The following SORCS2 variants were observed in gnomAD, a reference collection of about 807,000 sequenced individuals.
The protein encoded by SORCS2 is VPS10 domain-containing receptor SorCS2.
A neutral mutation model predicts 141.6 loss-of-function variants in SORCS2; 100 were observed. The ratio of observed to expected loss-of-function variants is 0.71; its 90% confidence interval spans 0.60 to 0.83. The LOEUF is 0.83. Among genes scored for constraint, SORCS2 ranks in the 40% least tolerant of loss-of-function variants. The pLI, the probability that SORCS2 is intolerant of heterozygous loss-of-function variation, is 0.00. For missense variants in SORCS2, 1,646 were observed against 1,560.2 expected (o/e 1.05, Z -0.93); for synonymous variants, 789 against 676.9 (o/e 1.17, Z -2.57).
chr4:7,222,508 C>T (rs12641883), intron 1 of SORCS2, among the ~76,000 whole-genome samples: 18,283 of 144,764 alleles, frequency 0.13, 1,432 homozygotes, highest in African/African-American at 0.22. Flanking sequence ...TGGTAGCTAA[C>T]GGGCATGGTG....
At chr4:7,469,168 CTGGTGATGGTGGTGATGTCGATGA>C (rs1353426826) in intron 2 of SORCS2, among the ~76,000 whole-genome samples, 1 of 150,250 alleles carries the variant, frequency 6.7e-6, no homozygotes, top group African/African-American at 2.5e-5. Context: ...GGTGATGGTC[CTGGTGATGGTGGTGATGTCGATGA>C]TGGTGGTGGT....
At position 7,631,617 on chromosome 4, in the gene SORCS2, G is replaced by A. The variant is rs201114509; in HGVS notation, c.649-6711G>A. Among the ~76,000 whole-genome samples, 794 of 152,062 alleles carry A rather than the reference G, an allele frequency of 5.2e-3. 2 individuals are homozygous for A. The highest frequency in any genetic ancestry group is 8.9e-3 in the Non-Finnish European group (608 of 67,988). The stretch of plus-strand genomic sequence containing the variant: ...ACTAGTACACCTCTCAGACCTACTC[G>A]GTGATGTTTCTGTCTGCTGTGACCC... On this transcript the variant is annotated intron_variant, in intron 3 of 26. Coordinates refer to ENST00000507866, the MANE Select transcript of SORCS2 (RefSeq NM_020777.3).
intron 2 of SORCS2, among the ~76,000 whole-genome samples, chr4:7,436,045 G>A (rs181321489): frequency 2.0e-5 from 3 of 152,376 alleles, no homozygotes; most frequent in East Asian, 3.9e-4. Context: ...GGTGCTTCCC[G>A]CCAGCCCTCC....
intron 1 of SORCS2, among the ~76,000 whole-genome samples, chr4:7,382,254 G>C (rs1723036857): frequency 6.6e-6 from 1 of 152,146 alleles, no homozygotes; most frequent in Non-Finnish European, 1.5e-5. Flanking sequence ...ACAGGGATGG[G>C]GTTTGAACTT....
rs73796484 is a variant in SORCS2 at position 7,201,760 on chromosome 4, C to T, written c.480+8634C>T. ...AATGGCCCACTTTGTCCTCGCCCCTCCTTAGTCGCTAGTTTGGGTGGGTGC... is the reference window on the plus strand; with the variant it reads ...AATGGCCCACTTTGTCCTCGCCCCTTCTTAGTCGCTAGTTTGGGTGGGTGC... On this transcript the variant is annotated intron_variant, in intron 1 of 26. Coordinates refer to ENST00000507866, the MANE Select transcript of SORCS2 (RefSeq NM_020777.3). The surrounding 1 kb of genome is among the most constrained non-coding windows in gnomAD (Gnocchi z 4.4). Among the ~76,000 whole-genome samples the T allele has an allele frequency of 0.041, 6,251 of 152,186 alleles. 300 individuals are homozygous for T. Among genetic ancestry groups the T allele is most frequent in the South Asian group, 0.15 (699 of 4,806 alleles).
intron 1 of SORCS2, among the ~76,000 whole-genome samples, chr4:7,213,024 G>C (rs1002436384): frequency 6.6e-6 from 1 of 152,250 alleles, no homozygotes; most frequent in African/African-American, 2.4e-5. Flanking sequence ...GCTCTGGGCG[G>C]TGTGACTTCT....
chr4:7,428,733 G>A (rs938933535), intron 2 of SORCS2, among the ~76,000 whole-genome samples: 1 of 152,190 alleles, frequency 6.6e-6, no homozygotes, highest in South Asian at 2.1e-4. Flanking sequence ...GGGCTGGGCT[G>A]CACCAGGGTG....
At chr4:7,617,233 TC>T (rs1179833766) in intron 3 of SORCS2, among the ~76,000 whole-genome samples, 1 of 152,030 alleles carries the variant, frequency 6.6e-6, no homozygotes, top group African/African-American at 2.4e-5. Context: ...ATCCACCTAC[TC>T]ACCCATCCAT....
intron 1 of SORCS2, among the ~76,000 whole-genome samples, chr4:7,281,652 C>T (rs979351334): frequency 5.3e-5 from 8 of 152,184 alleles, no homozygotes; most frequent in Admixed American, 3.9e-4. Context: ...TCCATTGGGC[C>T]GTTTGTGTGG....
At chr4:7,499,691 C>CA (rs71175410) in intron 2 of SORCS2, among the ~76,000 whole-genome samples, 24,512 of 151,958 alleles carry the variant, frequency 0.16, 3,484 homozygotes, top group African/African-American at 0.38. Flanking sequence ...AGCCATGCCC[C>CA]GGGAGACCCT....
intron 2 of SORCS2, among the ~76,000 whole-genome samples, chr4:7,524,668 C>A (rs985326854): frequency 6.6e-6 from 1 of 151,424 alleles, no homozygotes; most frequent in African/African-American, 2.4e-5. Context: ...CGCCCTTGTT[C>A]TTTCCCCAGG....
chr4:7,300,536 G>A (rs1045029595), intron 1 of SORCS2, among the ~76,000 whole-genome samples: 7 of 152,172 alleles, frequency 4.6e-5, no homozygotes, highest in Non-Finnish European at 5.9e-5. Context: ...CCGCCACCAC[G>A]GCACTATTGT....
intron 2 of SORCS2, among the ~76,000 whole-genome samples, chr4:7,398,012 T>C (rs971328963): frequency 1.3e-5 from 2 of 152,220 alleles, no homozygotes; most frequent in African/African-American, 4.8e-5. Flanking sequence ...CTCCCCTCAC[T>C]GCAGCCTCTC....
intron 3 of SORCS2, among the ~76,000 whole-genome samples, chr4:7,533,272 A>G (rs77869931): frequency 6.6e-6 from 1 of 152,158 alleles, no homozygotes; most frequent in South Asian, 2.1e-4. Context: ...CCCAAACCCT[A>G]TGGAAGCAGG....
At chr4:7,414,327 G>T (rs1242373162) in intron 2 of SORCS2, among the ~76,000 whole-genome samples, 2 of 152,074 alleles carry the variant, frequency 1.3e-5, no homozygotes, top group African/African-American at 4.8e-5. Flanking sequence ...GCTGGGATAG[G>T]TTCCCCTAGG....
intron 3 of SORCS2, among the ~76,000 whole-genome samples, chr4:7,543,951 T>TCCATCCAC (rs1713018894): frequency 2.3e-5 from 2 of 87,098 alleles, no homozygotes; most frequent in African/African-American, 4.6e-5. Flanking sequence ...CATCCATCCA[T>TCCATCCAC]CCATCCATCC....
chr4:7,356,799 CTT>C (rs1721277794), intron 1 of SORCS2, among the ~76,000 whole-genome samples: 1 of 152,200 alleles, frequency 6.6e-6, no homozygotes, highest in African/African-American at 2.4e-5. Flanking sequence ...CCTAGTGACT[CTT>C]TGTTGAATGA....
chr4:7,685,349 G>C (rs558063181), intron 10 of SORCS2, among the ~76,000 whole-genome samples: 1 of 152,138 alleles, frequency 6.6e-6, no homozygotes, highest in Non-Finnish European at 1.5e-5. Context: ...CAAGTGCATG[G>C]AGCCCACGTG....
At chr4:7,545,397 C>A (rs1713176958) in intron 3 of SORCS2, among the ~76,000 whole-genome samples, 1 of 152,216 alleles carries the variant, frequency 6.6e-6, no homozygotes, top group African/African-American at 2.4e-5. Context: ...CTGATGGAGA[C>A]TTACCATGTG....
Sources: allele counts gnomAD v4.1 joint callset (sites outside exome capture counted in the v4.1 genomes callset), GRCh38; gene constraint gnomAD v4.1.1; non-coding constraint Gnocchi (gnomAD v3.1); transcripts MANE v1.5; gene names NCBI Gene and HGNC (gene_info 2026-07-23, HGNC 2026-07-21).